Variants in NUMB observed in about 807,000 individuals in gnomAD.
The protein encoded by NUMB is protein numb homolog.
Under a neutral mutation model 59.7 loss-of-function variants are expected in NUMB, and 29 were observed. The observed-to-expected ratio is 0.49, with a 90% CI of 0.36 to 0.66. The LOEUF (loss-of-function observed/expected upper bound fraction) is 0.66, where lower values mean the gene tolerates loss of function less well. Among genes scored for constraint, NUMB ranks in the 30% least tolerant of loss-of-function variants. The pLI is 0.00. For missense variants in NUMB, 723 were observed against 822.0 expected, an observed-to-expected ratio of 0.88 and a Z score of 1.47; for synonymous variants, 288 against 288.2, an observed-to-expected ratio of 1.00 and a Z score of 0.01.
In NUMB at chr14:73,321,362, C is replaced by T. The variant is rs117959808; in HGVS notation, c.201+1768G>A. On this transcript the variant is annotated intron_variant, in intron 5 of 12. Coordinates refer to ENST00000555238, the MANE Select transcript of NUMB (RefSeq NM_001005743.2). The stretch of plus-strand genomic sequence containing the variant: ...AAAATATTATTTAATGGGCAAATAA[C>T]TGCATTACTTTAAAAAAATGTTCTT... Among the ~76,000 whole-genome samples, 1,035 of 152,192 alleles carry T rather than the reference C, an allele frequency of 6.8e-3. 4 individuals are homozygous for T. Among genetic ancestry groups the T allele is most frequent in the South Asian group, 0.03 (144 of 4,820 alleles).
At chr14:73,389,290 A>AAC (rs1895720205) in intron 2 of NUMB, among the ~76,000 whole-genome samples, 2 of 88,526 alleles carry the variant, frequency 2.3e-5, no homozygotes, top group African/African-American at 1.4e-4. Context: ...AAAAAAAAAA[A>AAC]AAACAAAAAC....
chr14:73,292,017 C>T (rs1210755471), intron 8 of NUMB, among the ~76,000 whole-genome samples: 2 of 151,978 alleles, frequency 1.3e-5, no homozygotes, highest in African/African-American at 4.8e-5. Flanking sequence ...TGAAAGTATA[C>T]TCCAACTCAG....
At chr14:73,422,891 A>C (rs1013396098) in intron 1 of NUMB, among the ~76,000 whole-genome samples, 9 of 141,502 alleles carry the variant, frequency 6.4e-5, no homozygotes, top group Non-Finnish European at 4.5e-5. Context: ...CCATATCAGG[A>C]GGAAGAGATC....
chr14:73,408,179 A>G (rs1194369271), intron 2 of NUMB, among the ~76,000 whole-genome samples: 2 of 151,910 alleles, frequency 1.3e-5, no homozygotes, highest in Non-Finnish European at 2.9e-5. Flanking sequence ...GTGAGCTGAG[A>G]TTGCGCCACT....
chr14:73,430,963 G>C (rs914327928), intron 1 of NUMB, among the ~76,000 whole-genome samples: 24 of 150,792 alleles, frequency 1.6e-4, no homozygotes, highest in African/African-American at 5.8e-4. Flanking sequence ...AAAAGTTTTT[G>C]AATTTTGTTC....
chr14:73,312,618 T>C (rs1367137244), intron 6 of NUMB, among the ~76,000 whole-genome samples: 2 of 151,810 alleles, frequency 1.3e-5, no homozygotes, highest in Non-Finnish European at 2.9e-5. Flanking sequence ...AGAGGCTGTG[T>C]TGGGAGGATC....
chr14:73,314,964 C>A (rs1306318371), intron 6 of NUMB, among the ~76,000 whole-genome samples: 1 of 152,048 alleles, frequency 6.6e-6, no homozygotes, highest in Non-Finnish European at 1.5e-5. Flanking sequence ...AAGATTCTTT[C>A]TAGATATGTA....
chr14:73,386,992 T>C (rs1895573224), intron 2 of NUMB, among the ~76,000 whole-genome samples: 1 of 146,174 alleles, frequency 6.8e-6, no homozygotes, highest in Non-Finnish European at 1.5e-5. Context: ...GCCATTCTCC[T>C]GCCTCAGCCT....
intron 4 of NUMB, among the ~76,000 whole-genome samples, chr14:73,328,611 T>C (rs375041274): frequency 3.9e-5 from 6 of 152,368 alleles, no homozygotes; most frequent in African/African-American, 1.2e-4. Context: ...AATAGGTACA[T>C]AGTGGTATCT....
intron 6 of NUMB, among the ~76,000 whole-genome samples, chr14:73,312,130 A>G (rs1366747284): frequency 6.6e-6 from 1 of 152,242 alleles, no homozygotes; most frequent in Non-Finnish European, 1.5e-5. Context: ...GCTGTGGCTC[A>G]TGCCTGTAAT....
intron 2 of NUMB, among the ~76,000 whole-genome samples, chr14:73,407,930 C>G (rs889529276): frequency 6.6e-6 from 1 of 152,148 alleles, no homozygotes; most frequent in African/African-American, 2.4e-5. Context: ...GTTTTCTCAT[C>G]CCACTGAAAA....
At chr14:73,304,998 C>T (rs1053503384) in intron 6 of NUMB, among the ~76,000 whole-genome samples, 3 of 150,920 alleles carry the variant, frequency 2.0e-5, no homozygotes, top group Non-Finnish European at 4.4e-5. Flanking sequence ...AACTGCTGAC[C>T]TCAGGTGATC....
chr14:73,370,189 A>G (rs1038104916), intron 2 of NUMB, among the ~76,000 whole-genome samples: 1 of 152,194 alleles, frequency 6.6e-6, no homozygotes, highest in Non-Finnish European at 1.5e-5. Flanking sequence ...GAGTAGGATT[A>G]ATGGATTAAC....
intron 1 of NUMB, among the ~76,000 whole-genome samples, chr14:73,412,002 G>A (rs1896916782): frequency 7.2e-6 from 1 of 139,432 alleles, no homozygotes; most frequent in African/African-American, 2.7e-5. Context: ...ATGCCTCACT[G>A]CAGTCTCAAA....
chr14:73,436,608 G>A (rs1000534648), intron 1 of NUMB, among the ~76,000 whole-genome samples: 4 of 151,954 alleles, frequency 2.6e-5, no homozygotes, highest in Non-Finnish European at 4.4e-5. Context: ...GTGAGCCACC[G>A]TGCCCAGCTT....
chr14:73,440,014 A>G (rs1882905325), intron 1 of NUMB, among the ~76,000 whole-genome samples: 1 of 152,160 alleles, frequency 6.6e-6, no homozygotes. Context: ...TTTATAACCT[A>G]TTCTTGCAAC....
chr14:73,436,860 T>C (rs1349003306), intron 1 of NUMB, among the ~76,000 whole-genome samples: 2 of 150,616 alleles, frequency 1.3e-5, no homozygotes, highest in Non-Finnish European at 3.0e-5. Flanking sequence ...CTGCCTGTAA[T>C]CCCAGCTACT....
intron 2 of NUMB, among the ~76,000 whole-genome samples, chr14:73,401,563 A>AT (rs1164847403): frequency 0.095 from 10,440 of 110,002 alleles, 949 homozygotes; most frequent in African/African-American, 0.22. Flanking sequence ...GTAAGACTAA[A>AT]TTTTTTTTTT....
intron 1 of NUMB, among the ~76,000 whole-genome samples, chr14:73,455,452 C>G (rs1374216426): frequency 6.6e-6 from 1 of 152,162 alleles, no homozygotes; most frequent in Non-Finnish European, 1.5e-5. Flanking sequence ...CATTTAGGTT[C>G]CTCAAACAAG....
Sources: gnomAD v4.1 joint callset for allele counts (sites outside exome capture counted in the v4.1 genomes callset) on GRCh38, gnomAD v4.1.1 for gene constraint, MANE v1.5 for transcripts, NCBI Gene and HGNC (gene_info 2026-07-23, HGNC 2026-07-21) for gene names.